Variants in ATXN10 observed in about 807,000 individuals in gnomAD.
ATXN10 encodes the protein ataxin 10.
Under a neutral mutation model 52.9 loss-of-function variants are expected in ATXN10, and 28 were observed. That is an observed-to-expected ratio of 0.53 (90% CI 0.39 to 0.73). ATXN10 has a LOEUF of 0.73. ATXN10 is among the 30% of genes least tolerant of loss of function. The pLI, the probability that ATXN10 is intolerant of heterozygous loss-of-function variation, is 0.00. For synonymous variants in ATXN10, 226 were observed against 221.5 expected, an observed-to-expected ratio of 1.02 and a Z score of -0.18; for missense variants, 565 against 577.0, an observed-to-expected ratio of 0.98 and a Z score of 0.21.
Position 45,781,811 on chromosome 22 carries a change from G to A in ATXN10, c.1174-25148G>A, listed in dbSNP as rs188867180. 6.6e-6 allele frequency among the ~76,000 whole-genome samples: 1 copy of A among 152,276 alleles called. No homozygotes were observed. The highest frequency in any genetic ancestry group is 1.9e-4 in the East Asian group (1 of 5,186). On this transcript the variant is annotated intron_variant, in intron 9 of 11. Transcript: ENST00000252934. The surrounding 1 kb of genome is among the most constrained non-coding windows in gnomAD (Gnocchi z 4.2). ...TGGAAATTTTAGGACTAAAAAAACA[G>A]CAACCTGAAATAAAAAGCCAAAACT...
chr22:45,675,725 T>C (rs1233232577), intron 1 of ATXN10: 2 of 152,228 alleles, frequency 1.3e-5, no homozygotes, highest in Admixed American at 6.5e-5. Context: ...ATAAATGTTA[T>C]TGTTTTAAAA....
rs373057064 is a variant in ATXN10, at chr22:45,833,770, C to T, written c.1238-9221C>T. On this transcript the variant is annotated intron_variant, in intron 10 of 11. Transcript: ENST00000252934. This position sits in a 1 kb window ranked among gnomAD's most constrained non-coding sequence, Gnocchi z 4.3. Reference sequence around the variant, plus strand: ...CTGGTTTGTAGGCATAGCTCAGAAACGTGCAGTCATAGCAACCCGGAAGAA... The same window carrying T: ...CTGGTTTGTAGGCATAGCTCAGAAATGTGCAGTCATAGCAACCCGGAAGAA... 4.6e-5 allele frequency among the ~76,000 whole-genome samples: 7 copies of T among 152,178 alleles called. No individual in the cohort carries two copies. The highest frequency in any genetic ancestry group is 8.8e-5 in the Non-Finnish European group (6 of 68,028).
At position 45,744,856 on chromosome 22, in the gene ATXN10, A is replaced by G. The variant is rs1925668196; in HGVS notation, c.1173+4318A>G. On this transcript the variant is annotated intron_variant, in intron 9 of 11. Transcript: ENST00000252934. The surrounding 1 kb of genome is among the most constrained non-coding windows in gnomAD (Gnocchi z 4.9). Reference sequence around the variant, plus strand: ...AGATTGAAAATCTGCACAGAAATGTATTTTATCCCAAATTCTCATGAGTCT... The same window carrying G: ...AGATTGAAAATCTGCACAGAAATGTGTTTTATCCCAAATTCTCATGAGTCT... 6.6e-6 allele frequency: 1 copy of G among 152,156 alleles called. No individual in the cohort carries two copies. The highest frequency in any genetic ancestry group is 1.5e-5 in the Non-Finnish European group (1 of 68,006). 9.4% of individuals were successfully genotyped at this position (152,156 alleles called of 1,614,324 possible).
intron 9 of ATXN10, among the ~76,000 whole-genome samples, chr22:45,751,451 G>A (rs1925945566): frequency 7.4e-6 from 1 of 134,680 alleles, no homozygotes; most frequent in African/African-American, 2.6e-5. Context: ...AGAGAGAGAG[G>A]AAGAGACAGA....
Position 45,689,848 on chromosome 22 carries a change from T to C in ATXN10, c.253T>C (p.Phe85Leu), listed in dbSNP as rs1258563848. ...CAGTCTGCAGTTAATAACAGAATGC[T>C]TCAGGTGTCTTCGCAATGCTTGCAT... ...ASSLQLITEC[F>L]RCLRNACIEC... Residue 85 changes from phenylalanine (F) to leucine (L), a missense_variant, in exon 2 of 12, where the codon TTC becomes CTC. Phe to Leu is a conservative substitution (Grantham distance 22). Transcript: ENST00000252934. 6.2e-7 allele frequency: 1 copy of C among 1,614,236 alleles called. No homozygotes were observed. Among genetic ancestry groups the C allele is most frequent in the Non-Finnish European group, 8.5e-7 (1 of 1,180,038 alleles).
rs891490207 is a variant in ATXN10, at chr22:45,712,614, G to C, written c.648-5799G>C. Among the ~76,000 whole-genome samples the C allele has an allele frequency of 6.6e-6, 1 of 152,152 alleles. No individual in the cohort carries two copies. The highest frequency in any genetic ancestry group is 2.4e-5 in the African/African-American group (1 of 41,432). On this transcript the variant is annotated intron_variant, in intron 5 of 11. Coordinates refer to ENST00000252934, the MANE Select transcript of ATXN10 (RefSeq NM_013236.4). This position sits in a 1 kb window ranked among gnomAD's most constrained non-coding sequence, Gnocchi z 4.6. Reference sequence around the variant, plus strand: ...CCTTAGAGGACGACATTAAAGGAAGGGTGGCTGGGATGTGCGTGTGTGTAA... The same window carrying C: ...CCTTAGAGGACGACATTAAAGGAAGCGTGGCTGGGATGTGCGTGTGTGTAA...
At chr22:45,717,217 T>C (rs1924482340) in intron 5 of ATXN10, among the ~76,000 whole-genome samples, 1 of 152,218 alleles carries the variant, frequency 6.6e-6, no homozygotes, top group Non-Finnish European at 1.5e-5. Context: ...CATTTGTTTC[T>C]ATTATATAAT....
At chr22:45,764,800 A>C (rs908897916) in intron 9 of ATXN10, among the ~76,000 whole-genome samples, 1 of 152,188 alleles carries the variant, frequency 6.6e-6, no homozygotes, top group Non-Finnish European at 1.5e-5. Flanking sequence ...TCTGCTCCAC[A>C]CACATTCTGT....
chr22:45,691,301 C>T (rs1003129702), intron 2 of ATXN10, among the ~76,000 whole-genome samples: 2 of 152,194 alleles, frequency 1.3e-5, no homozygotes, highest in South Asian at 2.1e-4. Flanking sequence ...CTGGCAGATA[C>T]ACCTTTGTGC....
Position 45,744,239 on chromosome 22 carries a change from G to A in ATXN10, c.1173+3701G>A, listed in dbSNP as rs1449599911. 3.6e-4 allele frequency among the ~76,000 whole-genome samples: 55 copies of A among 152,168 alleles called. No homozygotes were observed. Among genetic ancestry groups the A allele is most frequent in the Admixed American group, 3.6e-3 (55 of 15,264 alleles). Reference sequence around the variant, plus strand: ...GAATCTCAAAACTACTCATGACACAGATTTTCCTAAAATCTTTGTGTACTG... The same window carrying A: ...GAATCTCAAAACTACTCATGACACAAATTTTCCTAAAATCTTTGTGTACTG... On this transcript the variant is annotated intron_variant, in intron 9 of 11. Coordinates refer to ENST00000252934, the MANE Select transcript of ATXN10 (RefSeq NM_013236.4). The surrounding 1 kb of genome is among the most constrained non-coding windows in gnomAD (Gnocchi z 4.9).
intron 6 of ATXN10, among the ~76,000 whole-genome samples, chr22:45,723,165 G>A (rs531551091): frequency 1.3e-4 from 20 of 151,070 alleles, no homozygotes; most frequent in Admixed American, 4.0e-4. Context: ...GTGTGTGTGT[G>A]TATATATATA....
rs376641386 is a variant in ATXN10, at chr22:45,696,156, A to G, written c.391+3078A>G. On this transcript the variant is annotated intron_variant, in intron 3 of 11. Coordinates refer to ENST00000252934, the MANE Select transcript of ATXN10 (RefSeq NM_013236.4). This position sits in a 1 kb window ranked among gnomAD's most constrained non-coding sequence, Gnocchi z 4.7. ...TTTAGTTGTGAAATGTTTTTACGAT[A>G]TTATATATTTAAAGATACTTCTGTA... Among the ~76,000 whole-genome samples, 195 of 152,318 alleles carry G rather than the reference A, an allele frequency of 1.3e-3. No homozygotes were observed. Among genetic ancestry groups the G allele is most frequent in the African/African-American group, 4.6e-3 (192 of 41,558 alleles).
In ATXN10 at chr22:45,828,156, G is replaced by A. The variant is rs1754037101; in HGVS notation, c.1238-14835G>A. ...GCTGGAGGCCAGGAGTTCAGGACCT[G>A]CCTGGGCAACATGGTGAAGCCCCAT... On this transcript the variant is annotated intron_variant, in intron 10 of 11. Coordinates refer to ENST00000252934, the MANE Select transcript of ATXN10 (RefSeq NM_013236.4). This position sits in a 1 kb window ranked among gnomAD's most constrained non-coding sequence, Gnocchi z 4.5. 6.6e-6 allele frequency among the ~76,000 whole-genome samples: 1 copy of A among 151,722 alleles called. No homozygotes were observed. Among genetic ancestry groups the A allele is most frequent in the Non-Finnish European group, 1.5e-5 (1 of 67,968 alleles).
chr22:45,709,478 T>A (rs1367719413), intron 5 of ATXN10, among the ~76,000 whole-genome samples: 1 of 152,088 alleles, frequency 6.6e-6, no homozygotes, highest in East Asian at 1.9e-4. Context: ...GTCATCAGTA[T>A]CTGTCTCATC....
At chr22:45,785,757 G>A (rs529561624) in intron 9 of ATXN10, among the ~76,000 whole-genome samples, 97 of 152,334 alleles carry the variant, frequency 6.4e-4, no homozygotes, top group African/African-American at 2.1e-3. Flanking sequence ...TGAGGAAGCC[G>A]CGAGGCTGAG....
intron 7 of ATXN10, among the ~76,000 whole-genome samples, chr22:45,735,812 CTTTTTTTTT>C (rs746222703): frequency 1.5e-5 from 1 of 65,820 alleles, no homozygotes; most frequent in Non-Finnish European, 2.9e-5. Flanking sequence ...ATTTGCTTGT[CTTTTTTTTT>C]TTTTTTTTTT....
chr22:45,779,958 A>G (rs555290947), intron 9 of ATXN10, among the ~76,000 whole-genome samples: 5 of 152,378 alleles, frequency 3.3e-5, no homozygotes, highest in Non-Finnish European at 7.3e-5. Context: ...GTATACTCCA[A>G]TGATTTTACC....
At chr22:45,726,367 T>C (rs1241446316) in intron 6 of ATXN10, among the ~76,000 whole-genome samples, 1 of 152,168 alleles carries the variant, frequency 6.6e-6, no homozygotes, top group Non-Finnish European at 1.5e-5. Context: ...AGACCTCCTA[T>C]TTCTTTCTGA....
chr22:45,700,209 T>C, intron 3 of ATXN10, 73 bp from the exon 4 acceptor site: 2 of 1,081,132 alleles, frequency 1.8e-6, no homozygotes, highest in South Asian at 3.0e-5. Context: ...ACATGGAGAA[T>C]ATTTCTTAAG....
Sources: gnomAD v4.1 joint callset for allele counts (sites outside exome capture counted in the v4.1 genomes callset) on GRCh38, gnomAD v4.1.1 for gene constraint, Gnocchi (gnomAD v3.1) non-coding constraint, MANE v1.5 for transcripts, NCBI Gene and HGNC (gene_info 2026-07-23, HGNC 2026-07-21) for gene names.